Variants in IQCK observed in about 807,000 individuals in gnomAD.
IQCK encodes the protein IQ motif containing K, also known as IQ domain-containing protein K.
Under a neutral mutation model 28.1 loss-of-function variants are expected in IQCK, and 29 were observed. The ratio of observed to expected loss-of-function variants is 1.03; its 90% confidence interval spans 0.77 to 1.41. The LOEUF (loss-of-function observed/expected upper bound fraction) is 1.41, where lower values mean the gene tolerates loss of function less well. Ranked by LOEUF, IQCK falls within the 40% of genes most tolerant of loss-of-function variation. IQCK has a pLI of 0.00. For synonymous variants in IQCK, 113 were observed against 115.1 expected, an observed-to-expected ratio of 0.98 and a Z score of 0.12; for missense variants, 359 against 314.7, an observed-to-expected ratio of 1.14 and a Z score of -1.07.
intron 9 of IQCK, among the ~76,000 whole-genome samples, chr16:19,852,484 T>C (rs2141125588): frequency 6.6e-6 from 1 of 152,262 alleles, no homozygotes; most frequent in East Asian, 1.9e-4. Flanking sequence ...GCCACTTCTC[T>C]GACTATCATG....
chr16:19,814,460 A>G (rs548065119), intron 7 of IQCK, among the ~76,000 whole-genome samples: 3 of 152,228 alleles, frequency 2.0e-5, no homozygotes, highest in African/African-American at 7.2e-5. Context: ...GGAAACAAGT[A>G]GAATGCAGAA....
At chr16:19,720,284 G>C (rs1330430203) in intron 1 of IQCK, among the ~76,000 whole-genome samples, 1 of 152,090 alleles carries the variant, frequency 6.6e-6, no homozygotes, top group African/African-American at 2.4e-5. Flanking sequence ...CTTACCTCTT[G>C]GTGCTATGAT....
At chr16:19,837,766 CA>C (rs1237145345) in intron 9 of IQCK, among the ~76,000 whole-genome samples, 3 of 152,204 alleles carry the variant, frequency 2.0e-5, no homozygotes, top group Non-Finnish European at 4.4e-5. Context: ...TAAGCTGTGT[CA>C]GGCTAGAGGC....
In IQCK at chr16:19,754,473, G is replaced by A. The variant is rs534320326; in HGVS notation, c.475-9375G>A. On this transcript the variant is annotated intron_variant, in intron 4 of 7. Transcript: ENST00000564186. ...CATGTAACGTAAAATTTTCCCTTTC[G>A]GCTTTTGGTTGCTTATCAAATTCCA... 9.2e-5 allele frequency among the ~76,000 whole-genome samples: 14 copies of A among 152,100 alleles called. No individual in the cohort carries two copies. The East Asian group carries it at 2.5e-3, about 27-fold the overall frequency.
At position 19,719,083 on chromosome 16, in the gene IQCK, A is replaced by C. The variant is rs181759583; in HGVS notation, c.181+596A>C. ...AGTATTTGTTACTTAGGTTGGGCAA[A>C]TTATTTAACTTATGACCCTGTCTGC... On this transcript the variant is annotated intron_variant, in intron 1 of 7. Coordinates refer to ENST00000564186, the Ensembl canonical transcript of IQCK. 4.1e-3 allele frequency among the ~76,000 whole-genome samples: 620 copies of C among 152,260 alleles called. 3 individuals are homozygous for C. The highest frequency in any genetic ancestry group is 0.014 in the African/African-American group (570 of 41,552).
At chr16:19,822,562 A>C (rs1252482335) in intron 7 of IQCK, among the ~76,000 whole-genome samples, 1 of 152,180 alleles carries the variant, frequency 6.6e-6, no homozygotes, top group Non-Finnish European at 1.5e-5. Flanking sequence ...CACAAAGGAC[A>C]CATGATTGTA....
chr16:19,805,870 G>T (rs7185856), intron 7 of IQCK, among the ~76,000 whole-genome samples: 3 of 151,690 alleles, frequency 2.0e-5, no homozygotes, highest in South Asian at 2.1e-4. Flanking sequence ...TTGGTGGGGT[G>T]GGGGGGCTAG....
At chr16:19,733,035 A>G (rs544317645) in intron 2 of IQCK, among the ~76,000 whole-genome samples, 76 of 152,330 alleles carry the variant, frequency 5.0e-4, no homozygotes, top group African/African-American at 1.7e-3. Context: ...GTGCCTGTCA[A>G]CTTGAGTGTT....
intron 1 of IQCK, among the ~76,000 whole-genome samples, chr16:19,727,348 AGGCCAAGGCGGGC>A: frequency 6.6e-6 from 1 of 152,216 alleles, no homozygotes; most frequent in African/African-American, 2.4e-5. Context: ...TACCACTGGA[AGGCCAAGGCGGGC>A]GGATTGCCTG....
At position 19,722,694 on chromosome 16, in the gene IQCK, T is replaced by G. The variant is rs561377553; in HGVS notation, c.181+4207T>G. ...CTCCACGAATGTTACCATCGTTCAC[T>G]CAGCTGCCCAGTCCAGCTTTTTTTT... On this transcript the variant is annotated intron_variant, in intron 1 of 7. Coordinates refer to ENST00000564186, the Ensembl canonical transcript of IQCK. Among the ~76,000 whole-genome samples the G allele has an allele frequency of 3.3e-5, 5 of 150,586 alleles. No individual in the cohort carries two copies. The South Asian group carries it at 1.1e-3, about 32-fold the overall frequency.
chr16:19,798,373 A>G (rs4782284), intron 7 of IQCK, among the ~76,000 whole-genome samples: 16,673 of 115,596 alleles, frequency 0.14, 1,843 homozygotes, highest in South Asian at 0.19. Flanking sequence ...AGCCGAGATC[A>G]TGCCATTGCA....
At chr16:19,747,532 A>G (rs1398159236) in intron 4 of IQCK, among the ~76,000 whole-genome samples, 1 of 151,608 alleles carries the variant, frequency 6.6e-6, no homozygotes, top group Non-Finnish European at 1.5e-5. Flanking sequence ...TTTAAATACA[A>G]TTTCATTACA....
At chr16:19,856,591 C>G (rs775956703) in exon 10 of IQCK, 1 of 1,529,988 alleles carries the variant, frequency 6.5e-7, no homozygotes, top group South Asian at 1.1e-5. Context: ...CACAAGTTAC[C>G]TTGTGCAAGG....
At chr16:19,774,708 G>T (rs1457690550) in intron 6 of IQCK, among the ~76,000 whole-genome samples, 1 of 152,182 alleles carries the variant, frequency 6.6e-6, no homozygotes, top group Non-Finnish European at 1.5e-5. Context: ...AAATTATGGG[G>T]CAGGTATATT....
intron 6 of IQCK, among the ~76,000 whole-genome samples, chr16:19,764,915 G>C (rs548386782): frequency 7.3e-6 from 1 of 136,746 alleles, no homozygotes; most frequent in Admixed American, 7.4e-5. Context: ...TGGCCGGGAT[G>C]GTCTCGATCT....
chr16:19,812,649 A>G (rs1158831676), intron 7 of IQCK, among the ~76,000 whole-genome samples: 1 of 152,186 alleles, frequency 6.6e-6, no homozygotes, highest in Non-Finnish European at 1.5e-5. Context: ...ACTTGGAACT[A>G]ATAGTTATGA....
At chr16:19,830,865 C>A (rs564541683), downstream of IQCK, among the ~76,000 whole-genome samples, 1 of 152,262 alleles carries the variant, frequency 6.6e-6, no homozygotes, top group African/African-American at 2.4e-5. Context: ...TAGAACAAGT[C>A]CTGGCACATA....
intron 9 of IQCK, among the ~76,000 whole-genome samples, chr16:19,839,482 T>C (rs1467783264): frequency 6.6e-6 from 1 of 152,002 alleles, no homozygotes; most frequent in Non-Finnish European, 1.5e-5. Flanking sequence ...ATTTTAATGA[T>C]TTATTTTGTT....
intron 6 of IQCK, among the ~76,000 whole-genome samples, chr16:19,772,982 G>A (rs2055338946): frequency 6.6e-6 from 1 of 152,080 alleles, no homozygotes; most frequent in Non-Finnish European, 1.5e-5. Flanking sequence ...CAGCCTGGGT[G>A]ACAGAGTGAG....
Sources: allele counts gnomAD v4.1 joint callset (sites outside exome capture counted in the v4.1 genomes callset), GRCh38; gene constraint gnomAD v4.1.1; transcripts MANE v1.5; gene names NCBI Gene and HGNC (gene_info 2026-07-23, HGNC 2026-07-21).